The following ST8SIA6 variants were observed in gnomAD, a reference collection of about 807,000 sequenced individuals.
ST8SIA6 encodes alpha-2,8-sialyltransferase 8F.
A neutral mutation model predicts 33.6 loss-of-function variants in ST8SIA6; 39 were observed. That is an observed-to-expected ratio of 1.16 (90% CI 0.90 to 1.52). The LOEUF is 1.52. Among genes scored for constraint, ST8SIA6 ranks in the 40% most tolerant of loss-of-function variants. ST8SIA6 has a pLI of 0.00. For missense variants in ST8SIA6, 441 were observed against 443.8 expected, an observed-to-expected ratio of 0.99 and a Z score of 0.06; for synonymous variants, 172 against 167.2, an observed-to-expected ratio of 1.03 and a Z score of -0.22.
intron 4 of ST8SIA6, among the ~76,000 whole-genome samples, chr10:17,331,823 T>C (rs1397996050): frequency 6.6e-6 from 1 of 152,196 alleles, no homozygotes; most frequent in Non-Finnish European, 1.5e-5. Flanking sequence ...GGGATACATA[T>C]GCAGACATGC....
chr10:17,340,454 A>T (rs1229544162), intron 4 of ST8SIA6, among the ~76,000 whole-genome samples: 1 of 152,140 alleles, frequency 6.6e-6, no homozygotes, highest in East Asian at 1.9e-4. Flanking sequence ...GCTCTCTTTA[A>T]AACAGCCAAT....
intron 2 of ST8SIA6, among the ~76,000 whole-genome samples, chr10:17,398,326 T>TA (rs1261817285): frequency 2.0e-5 from 3 of 149,326 alleles, no homozygotes; most frequent in Admixed American, 2.0e-4. Flanking sequence ...GACTCCATCT[T>TA]AAGGAAAAAA....
intron 3 of ST8SIA6, among the ~76,000 whole-genome samples, chr10:17,385,171 G>C (rs1456221160): frequency 6.6e-6 from 1 of 152,180 alleles, no homozygotes; most frequent in Non-Finnish European, 1.5e-5. Context: ...TCTATTCCAA[G>C]TTATCCCTCC....
intron 2 of ST8SIA6, among the ~76,000 whole-genome samples, chr10:17,440,093 C>T (rs972105257): frequency 7.9e-5 from 12 of 152,230 alleles, no homozygotes; most frequent in Admixed American, 2.0e-4. Flanking sequence ...ACAGTGCCTA[C>T]GGCTTTCATA....
At chr10:17,378,893 A>G (rs534337576) in intron 3 of ST8SIA6, among the ~76,000 whole-genome samples, 348 of 152,206 alleles carry the variant, frequency 2.3e-3, no homozygotes, top group African/African-American at 7.5e-3. Context: ...TTGGGAGGTC[A>G]AGGCGGGCGG....
chr10:17,365,925 A>T (rs1849543789), intron 3 of ST8SIA6, among the ~76,000 whole-genome samples: 1 of 152,152 alleles, frequency 6.6e-6, no homozygotes, highest in African/African-American at 2.4e-5. Context: ...TTTCTGAGTG[A>T]TGTTCTGTGT....
chr10:17,338,028 ATTCTT>A (rs761531992), intron 4 of ST8SIA6, among the ~76,000 whole-genome samples: 7 of 94,978 alleles, frequency 7.4e-5, no homozygotes, highest in African/African-American at 3.0e-4. Flanking sequence ...AGAAAATACT[ATTCTT>A]TTTTTTTTTT....
intron 2 of ST8SIA6, among the ~76,000 whole-genome samples, chr10:17,446,661 T>C (rs1482086718): frequency 6.6e-6 from 1 of 151,924 alleles, no homozygotes; most frequent in African/African-American, 2.4e-5. Flanking sequence ...AGTTATTAAC[T>C]TGGGGAGGGG....
intron 2 of ST8SIA6, among the ~76,000 whole-genome samples, chr10:17,427,237 C>T (rs191248417): frequency 5.0e-4 from 76 of 152,280 alleles, no homozygotes; most frequent in Non-Finnish European, 8.1e-4. Flanking sequence ...TGAGAGTTCT[C>T]AGATGTTAGC....
chr10:17,358,815 C>A (rs538924606), intron 4 of ST8SIA6, among the ~76,000 whole-genome samples: 1 of 151,728 alleles, frequency 6.6e-6, no homozygotes, highest in Non-Finnish European at 1.5e-5. Flanking sequence ...GAAAAGAAGC[C>A]CCGCCCCCCA....
intron 2 of ST8SIA6, among the ~76,000 whole-genome samples, chr10:17,430,016 A>G (rs909110241): frequency 1.3e-5 from 2 of 152,028 alleles, no homozygotes; most frequent in Non-Finnish European, 2.9e-5. Context: ...TGTACATTGT[A>G]CCTATGTGTA....
intron 4 of ST8SIA6, among the ~76,000 whole-genome samples, chr10:17,348,443 TTTACCAGGCCAAGTCC>T (rs1848920974): frequency 6.6e-6 from 1 of 152,186 alleles, no homozygotes; most frequent in Non-Finnish European, 1.5e-5. Flanking sequence ...TGAACTTCAA[TTTACCAGGCCAAGTCC>T]TAACTGTAGG....
chr10:17,385,447 T>A (rs1197659365), intron 3 of ST8SIA6, among the ~76,000 whole-genome samples: 1 of 151,888 alleles, frequency 6.6e-6, no homozygotes, highest in Non-Finnish European at 1.5e-5. Flanking sequence ...TTTAATCGCC[T>A]GGGTGCAGGC....
At chr10:17,369,617 T>C (rs1418729686) in intron 3 of ST8SIA6, among the ~76,000 whole-genome samples, 1 of 152,192 alleles carries the variant, frequency 6.6e-6, no homozygotes, top group Non-Finnish European at 1.5e-5. Context: ...CATGATAATC[T>C]TTTTCTCATT....
intron 4 of ST8SIA6, among the ~76,000 whole-genome samples, chr10:17,337,806 AAGAAG>A (rs1190967545): frequency 6.6e-6 from 1 of 152,164 alleles, no homozygotes; most frequent in Non-Finnish European, 1.5e-5. Context: ...CTTGGGTAAA[AAGAAG>A]AGGATACATT....
chr10:17,318,109 C>T lies in ST8SIA6; in HGVS notation c.*2769G>A, dbSNP rs1847832057. On this transcript the variant is annotated 3_prime_UTR_variant, in exon 8 of 8. Transcript: ENST00000377602. ...AATCTTGTTATTCTGTTTCATTGCT[C>T]AATGAGGCTGAACAACAAGTGGAAA... is the stretch of plus-strand genomic sequence containing the variant. 6.6e-6 allele frequency among the ~76,000 whole-genome samples: 1 copy of T among 152,166 alleles called. No homozygotes were observed. The highest frequency in any genetic ancestry group is 6.6e-5 in the Admixed American group (1 of 15,264).
At chr10:17,406,754 G>A (rs918528337) in intron 2 of ST8SIA6, among the ~76,000 whole-genome samples, 1 of 151,094 alleles carries the variant, frequency 6.6e-6, no homozygotes, top group Non-Finnish European at 1.5e-5. Flanking sequence ...TCCAGGGTAG[G>A]CCCTAATATT....
intron 5 of ST8SIA6, among the ~76,000 whole-genome samples, chr10:17,330,425 T>G (rs1848261064): frequency 6.6e-6 from 1 of 152,146 alleles, no homozygotes; most frequent in Non-Finnish European, 1.5e-5. Flanking sequence ...CAGGGCGTCA[T>G]GAGAAAGCTT....
At chr10:17,413,985 C>A (rs1206840555) in intron 2 of ST8SIA6, among the ~76,000 whole-genome samples, 1 of 152,198 alleles carries the variant, frequency 6.6e-6, no homozygotes. Context: ...ATTCTCTCTG[C>A]AGTGATTCTT....
Sources: allele counts gnomAD v4.1 joint callset (sites outside exome capture counted in the v4.1 genomes callset), GRCh38; gene constraint gnomAD v4.1.1; transcripts MANE v1.5; gene names NCBI Gene and HGNC (gene_info 2026-07-23, HGNC 2026-07-21).